Variants in HS3ST4 observed in about 807,000 individuals in gnomAD.
The protein encoded by HS3ST4 is heparan sulfate glucosamine 3-O-sulfotransferase 4.
In HS3ST4, 17 loss-of-function variants were observed where a neutral mutation model predicts 29.2. The observed-to-expected ratio is 0.58, with a 90% CI of 0.40 to 0.87. The LOEUF (loss-of-function observed/expected upper bound fraction) is 0.87. HS3ST4 is among the 40% of genes least tolerant of loss of function. The pLI, the probability that HS3ST4 is intolerant of heterozygous loss-of-function variation, is 0.00. For synonymous variants in HS3ST4, 314 were observed against 285.7 expected, an observed-to-expected ratio of 1.10 and a Z score of -1.00; for missense variants, 627 against 634.5, an observed-to-expected ratio of 0.99 and a Z score of 0.13.
intron 1 of HS3ST4, among the ~76,000 whole-genome samples, chr16:25,991,744 G>A (rs957654740): frequency 9.2e-5 from 14 of 152,134 alleles, no homozygotes; most frequent in African/African-American, 1.9e-4. Flanking sequence ...TTTGGGGGCC[G>A]GGTGCGGTGG....
In HS3ST4 at chr16:25,864,346, A is replaced by AATTTTAACTTTTTTAAT. The variant is rs58990420; in HGVS notation, c.734+171196_734+171197insTTTTAACTTTTTTAATA. Among the ~76,000 whole-genome samples the AATTTTAACTTTTTTAAT allele has an allele frequency of 5.9e-5, 9 of 152,266 alleles. No homozygotes were observed. The South Asian group carries it at 1.9e-3, about 32-fold the overall frequency. On this transcript the variant is annotated intron_variant, in intron 1 of 1. Transcript: ENST00000331351. Reference sequence around the variant, plus strand: ...AAGATCTATACTTTTAACAACTTTTAAGTGTGCAAAGCATCATTATTATTA... The same window carrying AATTTTAACTTTTTTAAT: ...AAGATCTATACTTTTAACAACTTTTAATTTTAACTTTTTTAATAGTGTGCAAAGCATCATTATTATTA...
chr16:25,903,302 G>GTGTATGTATATGTATATATTATATACA lies in HS3ST4; in HGVS notation c.734+210152_734+210153insGTATGTATATGTATATATTATATACAT, dbSNP rs151301516. Among the ~76,000 whole-genome samples the GTGTATGTATATGTATATATTATATACA allele has an allele frequency of 5.4e-3, 561 of 103,468 alleles. 1 individual carries two copies. The highest frequency in any genetic ancestry group is 0.012 in the South Asian group (37 of 3,136). 67.9% of individuals were successfully genotyped at this position (103,468 alleles called of 152,430 possible). On this transcript the variant is annotated intron_variant, in intron 1 of 1. Transcript: ENST00000331351. ...TGTGTGTGTGTGTGTGTGTGTGTGT[G>GTGTATGTATATGTATATATTATATACA]TATGTATATGTATATATTATATATA...
intron 1 of HS3ST4, among the ~76,000 whole-genome samples, chr16:25,753,799 A>T (rs1366484930): frequency 1.3e-5 from 2 of 152,012 alleles, no homozygotes; most frequent in Non-Finnish European, 2.9e-5. Flanking sequence ...GGTTTCACTT[A>T]TTTTTTTAAT....
chr16:25,831,719 C>G (rs1442655563), intron 1 of HS3ST4, among the ~76,000 whole-genome samples: 2 of 152,098 alleles, frequency 1.3e-5, no homozygotes, highest in African/African-American at 4.8e-5. Context: ...TGAAATCATT[C>G]CTGGCACATA....
rs1898288298 is a variant in HS3ST4 at position 26,136,703 on chromosome 16, C to T, written c.*455C>T. ...CTAAACCTCTGCTTGGGCTTCTCCC[C>T]AGAATGCACTTTGTGGCTGAGTGCT... On this transcript the variant is annotated 3_prime_UTR_variant, in exon 2 of 2. Transcript: ENST00000331351. 5.8e-6 allele frequency: 1 copy of T among 171,442 alleles called. No individual in the cohort carries two copies. The highest frequency in any genetic ancestry group is 5.4e-5 in the Admixed American group (1 of 18,576). 10.6% of individuals were successfully genotyped at this position (171,442 alleles called of 1,614,324 possible). A position where few individuals can be genotyped will look rare whatever the true frequency, so the allele number is the denominator to read the frequency against.
At chr16:25,948,257 G>A (rs187572872) in intron 1 of HS3ST4, among the ~76,000 whole-genome samples, 4 of 152,186 alleles carry the variant, frequency 2.6e-5, no homozygotes, top group East Asian at 3.9e-4. Context: ...GCCATGAAAC[G>A]TGATCATTCA....
chr16:25,828,343 T>TCCCTTTCTCTCTCTCTTTCC lies in HS3ST4; in HGVS notation c.734+135193_734+135212dup, dbSNP rs1555467616. On this transcript the variant is annotated intron_variant, in intron 1 of 1. Coordinates refer to ENST00000331351, the MANE Select transcript of HS3ST4 (RefSeq NM_006040.3). ...CTCTCTCTCTCTCTCTCTCTCTTTC[T>TCCCTTTCTCTCTCTCTTTCC]CCCTTTCTCTCTCTCTTTCCAGCGT... Among the ~76,000 whole-genome samples, 466 of 138,518 alleles carry TCCCTTTCTCTCTCTCTTTCC rather than the reference T, an allele frequency of 3.4e-3. 2 individuals carry two copies. The highest frequency in any genetic ancestry group is 5.1e-3 in the Non-Finnish European group (324 of 63,888). 90.9% of individuals were successfully genotyped at this position (138,518 alleles called of 152,430 possible).
chr16:25,948,104 T>C (rs1968647837), intron 1 of HS3ST4, among the ~76,000 whole-genome samples: 1 of 152,152 alleles, frequency 6.6e-6, no homozygotes, highest in Non-Finnish European at 1.5e-5. Flanking sequence ...GGCAATGAGG[T>C]ACGTACACCA....
intron 1 of HS3ST4, among the ~76,000 whole-genome samples, chr16:26,043,840 G>C (rs375311447): frequency 6.6e-6 from 1 of 151,948 alleles, no homozygotes; most frequent in African/African-American, 2.4e-5. Context: ...TGTGCCATTC[G>C]CCCTCCCAAG....
intron 1 of HS3ST4, among the ~76,000 whole-genome samples, chr16:25,781,756 G>C (rs566437734): frequency 6.6e-6 from 1 of 152,274 alleles, no homozygotes; most frequent in South Asian, 2.1e-4. Context: ...TGAAAGTTTA[G>C]CAGTATTATT....
chr16:25,818,551 C>T (rs1967118291), intron 1 of HS3ST4, among the ~76,000 whole-genome samples: 1 of 152,112 alleles, frequency 6.6e-6, no homozygotes, highest in East Asian at 1.9e-4. Flanking sequence ...TCTTTTTTGG[C>T]TTAATGTGAC....
chr16:25,988,757 G>A (rs1429536476), intron 1 of HS3ST4, among the ~76,000 whole-genome samples: 1 of 151,608 alleles, frequency 6.6e-6, no homozygotes, highest in Non-Finnish European at 1.5e-5. Flanking sequence ...ATAACAAATG[G>A]GTACTAGGCT....
chr16:26,037,829 T>C (rs1347672760), intron 1 of HS3ST4, among the ~76,000 whole-genome samples: 7 of 152,174 alleles, frequency 4.6e-5, no homozygotes, highest in Non-Finnish European at 8.8e-5. Flanking sequence ...CACATGATGC[T>C]GACATGCTGT....
chr16:25,794,706 A>G (rs1257230091), intron 1 of HS3ST4, among the ~76,000 whole-genome samples: 1 of 151,838 alleles, frequency 6.6e-6, no homozygotes, highest in Non-Finnish European at 1.5e-5. Context: ...TTTATCTATG[A>G]GGTATTTAGG....
chr16:25,735,418 T>C (rs1470840539), intron 1 of HS3ST4, among the ~76,000 whole-genome samples: 1 of 152,004 alleles, frequency 6.6e-6, no homozygotes, highest in Non-Finnish European at 1.5e-5. Flanking sequence ...GATGGGGATC[T>C]TTATTTGTCA....
At chr16:26,124,708 G>C (rs1427055920) in intron 1 of HS3ST4, among the ~76,000 whole-genome samples, 1 of 152,178 alleles carries the variant, frequency 6.6e-6, no homozygotes, top group East Asian at 1.9e-4. Flanking sequence ...TTTGGAGCCT[G>C]ATCCAAGAAC....
chr16:25,978,026 C>T (rs900908972), intron 1 of HS3ST4, among the ~76,000 whole-genome samples: 1 of 152,232 alleles, frequency 6.6e-6, no homozygotes, highest in African/African-American at 2.4e-5. Context: ...ATTTTTGAAT[C>T]TCTATTTCTT....
intron 1 of HS3ST4, among the ~76,000 whole-genome samples, chr16:26,019,816 C>A (rs1319700516): frequency 6.6e-6 from 1 of 152,132 alleles, no homozygotes; most frequent in Admixed American, 6.5e-5. Context: ...CCTGTCCAAG[C>A]CGTTTGGTTC....
chr16:25,995,550 A>G (rs111246440), intron 1 of HS3ST4, among the ~76,000 whole-genome samples: 4,982 of 152,278 alleles, frequency 0.033, 121 homozygotes, highest in Middle Eastern at 0.071. Flanking sequence ...CCAGAGTTTC[A>G]TGCCTATCCC....
Sources: gnomAD v4.1 joint callset for allele counts (sites outside exome capture counted in the v4.1 genomes callset) on GRCh38, gnomAD v4.1.1 for gene constraint, MANE v1.5 for transcripts, NCBI Gene and HGNC (gene_info 2026-07-23, HGNC 2026-07-21) for gene names.